The following GPATCH2 variants were observed in gnomAD, a reference collection of about 807,000 sequenced individuals.
GPATCH2 encodes G patch domain-containing protein 2.
In GPATCH2, 51 loss-of-function variants were observed where a neutral mutation model predicts 58.0. That is an observed-to-expected ratio of 0.88 (90% confidence interval 0.70 to 1.11). The LOEUF is 1.11. Among genes scored for constraint, GPATCH2 ranks in the 50% most tolerant of loss-of-function variants. GPATCH2 has a pLI of 0.00. For synonymous variants in GPATCH2, 222 were observed against 218.5 expected, an observed-to-expected ratio of 1.02 and a Z score of -0.14; for missense variants, 625 against 652.2, an observed-to-expected ratio of 0.96 and a Z score of 0.45.
chr1:217,527,362 G>A (rs1663961084), intron 5 of GPATCH2, among the ~76,000 whole-genome samples: 2 of 152,144 alleles, frequency 1.3e-5, no homozygotes, highest in African/African-American at 4.8e-5. Context: ...TAAGAGGTAT[G>A]TATAGTCACC....
intron 5 of GPATCH2, among the ~76,000 whole-genome samples, chr1:217,589,962 C>T (rs1667514962): frequency 6.6e-6 from 1 of 151,698 alleles, no homozygotes; most frequent in Non-Finnish European, 1.5e-5. Context: ...AGTGTATTTG[C>T]TAGTGAAAAC....
intron 5 of GPATCH2, among the ~76,000 whole-genome samples, chr1:217,604,432 G>C (rs969578673): frequency 3.3e-5 from 5 of 151,488 alleles, no homozygotes; most frequent in African/African-American, 4.9e-5. Flanking sequence ...TATAGTAATA[G>C]ATCAGAATAT....
intron 9 of GPATCH2, among the ~76,000 whole-genome samples, chr1:217,437,727 C>T (rs769224914): frequency 6.6e-6 from 1 of 152,178 alleles, no homozygotes; most frequent in Non-Finnish European, 1.5e-5. Flanking sequence ...AATGCAGCAG[C>T]CCCAGTAAGG....
intron 1 of GPATCH2, among the ~76,000 whole-genome samples, chr1:217,628,672 A>AT (rs1349050710): frequency 1.4e-5 from 2 of 147,960 alleles, no homozygotes; most frequent in Admixed American, 1.4e-4. Flanking sequence ...GCAAAGCCAC[A>AT]TAATAAAGTT....
intron 8 of GPATCH2, among the ~76,000 whole-genome samples, chr1:217,455,639 G>A (rs538602317): frequency 6.6e-6 from 1 of 152,206 alleles, no homozygotes; most frequent in African/African-American, 2.4e-5. Context: ...TTTCCTATGT[G>A]CCTAGTGTGA....
chr1:217,436,472 A>T (rs1658837346), intron 9 of GPATCH2, among the ~76,000 whole-genome samples: 1 of 152,194 alleles, frequency 6.6e-6, no homozygotes, highest in African/African-American at 2.4e-5. Context: ...AAGCCTACAC[A>T]CATTTCTTTA....
rs1668542654 is a variant in GPATCH2 at position 217,609,889 on chromosome 1, A to C, written c.1098+432T>G. The C allele has an allele frequency of 3.7e-6, 4 of 1,077,252 alleles. No homozygotes were observed. In the Admixed American group the frequency reaches 2.1e-4, roughly 56 times the overall value. The allele number at this position is 1,077,252 out of a possible 1,614,324, so 66.7% of individuals were successfully genotyped here. A position where few individuals can be genotyped will look rare whatever the true frequency, so the allele number is the denominator to read the frequency against. On this transcript the variant is annotated intron_variant, in intron 5 of 9. Transcript: ENST00000366935. ...TACATAAATGGATTCAATGTAAAAA[A>C]AAAACCATAAAAGAGAAAAATATAT...
chr1:217,432,785 C>G (rs2102521516), intron 9 of GPATCH2, among the ~76,000 whole-genome samples: 1 of 152,230 alleles, frequency 6.6e-6, no homozygotes, highest in South Asian at 2.1e-4. Context: ...TTAAAAGAAC[C>G]TTTGTCTTAG....
intron 5 of GPATCH2, among the ~76,000 whole-genome samples, chr1:217,595,112 G>T (rs1316713780): frequency 3.3e-5 from 5 of 152,202 alleles, no homozygotes; most frequent in Non-Finnish European, 7.3e-5. Context: ...AGCAAGCACA[G>T]TTTTGAGAAG....
At chr1:217,522,978 T>C (rs886436659) in intron 5 of GPATCH2, among the ~76,000 whole-genome samples, 7 of 151,784 alleles carry the variant, frequency 4.6e-5, no homozygotes, top group African/African-American at 1.7e-4. Context: ...TTTTATGTAA[T>C]GGTTTATGAA....
At chr1:217,560,945 G>A in intron 5 of GPATCH2, among the ~76,000 whole-genome samples, 1 of 152,208 alleles carries the variant, frequency 6.6e-6, no homozygotes, top group East Asian at 1.9e-4. Context: ...ACAGTGGTAA[G>A]TGTTATTTAA....
At chr1:217,495,079 C>G in intron 7 of GPATCH2, 1 of 703,720 alleles carries the variant, frequency 1.4e-6, no homozygotes, top group Non-Finnish European at 1.7e-6. Context: ...TAGTGACCTG[C>G]AGATGTATAT....
intron 4 of GPATCH2, among the ~76,000 whole-genome samples, chr1:217,610,634 C>T (rs1668578995): frequency 1.3e-5 from 2 of 152,088 alleles, no homozygotes; most frequent in African/African-American, 4.8e-5. Flanking sequence ...GTAATAAATA[C>T]CCATTTTCTT....
intron 5 of GPATCH2, among the ~76,000 whole-genome samples, chr1:217,564,042 CTCGAA>C: frequency 1.2e-5 from 1 of 81,176 alleles, no homozygotes; most frequent in Non-Finnish European, 2.4e-5. Flanking sequence ...AAAACTCCGT[CTCGAA>C]AAAAAAAAAA....
chr1:217,594,156 T>C (rs917388464), intron 5 of GPATCH2, among the ~76,000 whole-genome samples: 3 of 152,140 alleles, frequency 2.0e-5, no homozygotes, highest in Non-Finnish European at 2.9e-5. Context: ...TCATATGTGA[T>C]GCATATTTGT....
At chr1:217,581,701 C>T (rs570251229) in intron 5 of GPATCH2, among the ~76,000 whole-genome samples, 1 of 152,192 alleles carries the variant, frequency 6.6e-6, no homozygotes, top group South Asian at 2.1e-4. Flanking sequence ...GCCTGTAATT[C>T]TAGCACTTTG....
chr1:217,456,959 G>A (rs1339128046), intron 8 of GPATCH2, among the ~76,000 whole-genome samples: 1 of 152,146 alleles, frequency 6.6e-6, no homozygotes, highest in Non-Finnish European at 1.5e-5. Flanking sequence ...AATGATTTGT[G>A]TGTGATGGCA....
intron 5 of GPATCH2, chr1:217,608,361 T>G: frequency 1.0e-6 from 1 of 985,068 alleles, no homozygotes; most frequent in Non-Finnish European, 1.2e-6. Flanking sequence ...CCTAATGCAC[T>G]AGTTCCATGA....
chr1:217,566,464 T>A (rs140143451), intron 5 of GPATCH2, among the ~76,000 whole-genome samples: 54 of 152,274 alleles, frequency 3.5e-4, no homozygotes, highest in African/African-American at 1.3e-3. Context: ...CTGAATTAAT[T>A]CATTACACAC....
Sources: gnomAD v4.1 joint callset for allele counts (sites outside exome capture counted in the v4.1 genomes callset) on GRCh38, gnomAD v4.1.1 for gene constraint, MANE v1.5 for transcripts, NCBI Gene and HGNC (gene_info 2026-07-23, HGNC 2026-07-21) for gene names.